The following MTCH2 variants were observed in gnomAD, a reference collection of about 807,000 sequenced individuals.
The protein encoded by MTCH2 is mitochondrial carrier homolog 2.
Under a neutral mutation model 50.6 loss-of-function variants are expected in MTCH2, and 25 were observed. The observed-to-expected ratio is 0.49, with a 90% CI of 0.36 to 0.69. The LOEUF (loss-of-function observed/expected upper bound fraction) is 0.69. MTCH2 is among the 30% of genes least tolerant of loss of function. The pLI, the probability that MTCH2 is intolerant of heterozygous loss-of-function variation, is 0.00. For synonymous variants in MTCH2, 106 were observed against 132.0 expected, an observed-to-expected ratio of 0.80 and a Z score of 1.35; for missense variants, 273 against 384.4, an observed-to-expected ratio of 0.71 and a Z score of 2.42.
At chr11:47,635,610 A>C (rs779934803) in intron 3 of MTCH2, 39 bp from the exon 4 acceptor site, 1 of 1,575,972 alleles carries the variant, frequency 6.3e-7, no homozygotes, top group Non-Finnish European at 8.7e-7. Context: ...GGGTTATTAC[A>C]GTGTCATGTG....
Position 47,617,715 on chromosome 11 carries a change from T to C in MTCH2, c.*1118A>G, listed in dbSNP as rs1482913549. On this transcript the variant is annotated 3_prime_UTR_variant, in exon 13 of 13. Coordinates refer to ENST00000302503, the MANE Select transcript of MTCH2 (RefSeq NM_014342.4). ...GCCTGAGTAAACAGAAGCTTTATGC[T>C]TGAGTTGAATTTTATTTTCTCCCAA... The C allele has an allele frequency of 2.0e-5, 3 of 152,426 alleles. No homozygotes were observed. The highest frequency in any genetic ancestry group is 2.0e-4 in the Admixed American group (3 of 15,280). The allele number at this position is 152,426 out of a possible 1,614,324, so 9.4% of individuals were successfully genotyped here. A position where few individuals can be genotyped will look rare whatever the true frequency, so the allele number is the denominator to read the frequency against.
intron 10 of MTCH2, 105 bp from the exon 11 acceptor site, chr11:47,625,846 CTT>C: frequency 1.3e-6 from 1 of 781,560 alleles, no homozygotes; most frequent in Non-Finnish European, 2.1e-6. Flanking sequence ...CACTCTAACA[CTT>C]GTCTCGCTTC....
At chr11:47,610,994 CAG>C in the MTCH2 span, among the ~76,000 whole-genome samples, 2 of 152,326 alleles carry the variant, frequency 1.3e-5, no homozygotes, top group East Asian at 1.9e-4. Flanking sequence ...GAACCATCAT[CAG>C]AGAGTGTTAA....
chr11:47,614,649 T>C (rs2097287339), downstream of MTCH2, among the ~76,000 whole-genome samples: 1 of 152,190 alleles, frequency 6.6e-6, no homozygotes, highest in Non-Finnish European at 1.5e-5. Context: ...TGGCGCAACC[T>C]TGGCTCACTG....
At chr11:47,620,272 T>A (rs1205790918) in intron 12 of MTCH2, among the ~76,000 whole-genome samples, 1 of 151,426 alleles carries the variant, frequency 6.6e-6, no homozygotes, top group African/African-American at 2.4e-5. Context: ...AACTTAAAAG[T>A]ATAATAATAA....
At position 47,629,047 on chromosome 11, in the gene MTCH2, C is replaced by T. The variant is rs2097300631; in HGVS notation, c.540-1G>A. ...ACCTAGAAGGCGAGGAACAAGACCC[C>T]TACATGAAGAAACAATAAAAATAAG... On this transcript the variant is annotated splice_acceptor_variant, in intron 8 of 12. Transcript: ENST00000302503. LOFTEE classifies it high-confidence loss of function. 12 of 1,611,616 alleles carry T rather than the reference C, an allele frequency of 7.4e-6. No homozygotes were observed. The highest frequency in any genetic ancestry group is 1.0e-5 in the Non-Finnish European group (12 of 1,178,636).
At chr11:47,610,559 G>T in the MTCH2 span, among the ~76,000 whole-genome samples, 1 of 152,072 alleles carries the variant, frequency 6.6e-6, no homozygotes, top group African/African-American at 2.4e-5. Context: ...ACAAAAGTTA[G>T]CCGGGTGTGA....
chr11:47,611,089 A>C, the MTCH2 span, among the ~76,000 whole-genome samples: 1 of 152,162 alleles, frequency 6.6e-6, no homozygotes, highest in East Asian at 1.9e-4. Context: ...CAATACTCCT[A>C]GAGTTTTATG....
At chr11:47,632,703 TTTTC>T (rs1242623848) in intron 5 of MTCH2, among the ~76,000 whole-genome samples, 1 of 151,512 alleles carries the variant, frequency 6.6e-6, no homozygotes, top group Non-Finnish European at 1.5e-5. Context: ...GAGTTTTTTC[TTTTC>T]TTTTTTTTTG....
At chr11:47,631,803 T>G in intron 5 of MTCH2, 92 bp from the exon 6 acceptor site, 1,087 of 1,369,714 alleles carry the variant, frequency 7.9e-4, no homozygotes, top group Non-Finnish European at 1.0e-3. Flanking sequence ...TGGTATAGGA[T>G]AAGAAAGTGA....
chr11:47,628,893 G>T, intron 9 of MTCH2, 60 bp downstream of exon 9: 7 of 1,469,620 alleles, frequency 4.8e-6, no homozygotes, highest in Non-Finnish European at 4.7e-6. Flanking sequence ...TACTTTAAAA[G>T]CTAATCTAGC....
intron 12 of MTCH2, among the ~76,000 whole-genome samples, chr11:47,620,361 T>C (rs1565961993): frequency 6.6e-6 from 1 of 152,006 alleles, no homozygotes; most frequent in African/African-American, 2.4e-5. Flanking sequence ...CCAAGCTACC[T>C]GGGATGCTGA....
the MTCH2 span, among the ~76,000 whole-genome samples, chr11:47,609,265 G>A: frequency 6.6e-6 from 1 of 151,196 alleles, no homozygotes; most frequent in Admixed American, 6.6e-5. Context: ...GACCAGCCTG[G>A]GCAACATGGC....
At chr11:47,607,580 C>CAG in the MTCH2 span, among the ~76,000 whole-genome samples, 1 of 152,184 alleles carries the variant, frequency 6.6e-6, no homozygotes, top group Admixed American at 6.5e-5. Context: ...AAATGCTTTA[C>CAG]AGATGGGTGT....
chr11:47,623,299 G>A (rs1325562372), intron 11 of MTCH2, among the ~76,000 whole-genome samples: 1 of 150,676 alleles, frequency 6.6e-6, no homozygotes, highest in Non-Finnish European at 1.5e-5. Context: ...TTCAACCCAG[G>A]AGGCGGAAGT....
At chr11:47,639,096 G>T in intron 1 of MTCH2, 45 bp from the exon 2 acceptor site, 1 of 1,498,960 alleles carries the variant, frequency 6.7e-7, no homozygotes, top group Non-Finnish European at 9.1e-7. Context: ...AATATTTCCA[G>T]AAATGTCTTG....
At chr11:47,631,842 G>T in intron 5 of MTCH2, 131 bp from the exon 6 acceptor site, 1 of 819,288 alleles carries the variant, frequency 1.2e-6, no homozygotes, top group Non-Finnish European at 2.0e-6. Flanking sequence ...CCTGGCTGGA[G>T]TCAAGAAGAG....
chr11:47,614,201 A>G (rs2097287057), downstream of MTCH2, among the ~76,000 whole-genome samples: 1 of 152,164 alleles, frequency 6.6e-6, no homozygotes, highest in Admixed American at 6.5e-5. Flanking sequence ...AAGAATTATT[A>G]AGGAAAAAAA....
intron 12 of MTCH2, among the ~76,000 whole-genome samples, chr11:47,620,632 C>A (rs566756733): frequency 6.6e-6 from 1 of 152,002 alleles, no homozygotes; most frequent in East Asian, 1.9e-4. Flanking sequence ...CCAGCCTGGG[C>A]GACAGAGCTT....
Sources: gnomAD v4.1 joint callset for allele counts (sites outside exome capture counted in the v4.1 genomes callset) on GRCh38, gnomAD v4.1.1 for gene constraint, MANE v1.5 for transcripts, NCBI Gene and HGNC (gene_info 2026-07-23, HGNC 2026-07-21) for gene names.